Variants in MRPS31 observed in about 807,000 individuals in gnomAD.
The protein encoded by MRPS31 is small ribosomal subunit protein mS31.
Under a neutral mutation model 43.1 loss-of-function variants are expected in MRPS31, and 32 were observed. The observed-to-expected ratio is 0.74, with a 90% confidence interval of 0.56 to 1.00. The LOEUF (loss-of-function observed/expected upper bound fraction) is 1.00, where lower values mean the gene tolerates loss of function less well. Ranked by LOEUF, MRPS31 falls within the 50% of genes least tolerant of loss-of-function variation. MRPS31 has a pLI of 0.00. For missense variants in MRPS31, 437 were observed against 466.7 expected, an observed-to-expected ratio of 0.94 and a Z score of 0.59; for synonymous variants, 165 against 161.6, an observed-to-expected ratio of 1.02 and a Z score of -0.16.
chr13:40,756,258 T>C (rs971477314), intron 4 of MRPS31, among the ~76,000 whole-genome samples: 2 of 152,226 alleles, frequency 1.3e-5, no homozygotes, highest in African/African-American at 4.8e-5. Context: ...ACTTTCAGGG[T>C]TTAAAGAAGA....
chr13:40,751,997 C>A (rs1410461395), intron 5 of MRPS31, among the ~76,000 whole-genome samples: 2 of 151,654 alleles, frequency 1.3e-5, no homozygotes, highest in African/African-American at 4.8e-5. Context: ...TTTGGCTGGA[C>A]AACAGCAGCT....
intron 2 of MRPS31, among the ~76,000 whole-genome samples, chr13:40,766,138 G>A (rs1330205438): frequency 6.6e-6 from 1 of 152,126 alleles, no homozygotes; most frequent in African/African-American, 2.4e-5. Context: ...AGCTTAAAGA[G>A]GCAATTACAT....
intron 6 of MRPS31, among the ~76,000 whole-genome samples, chr13:40,746,297 G>T (rs921364397): frequency 1.3e-5 from 2 of 152,136 alleles, no homozygotes; most frequent in African/African-American, 4.8e-5. Flanking sequence ...TTGAATTGTT[G>T]AGGCTTCAGG....
chr13:40,764,608 T>C (rs968330776), intron 2 of MRPS31, among the ~76,000 whole-genome samples: 20 of 152,220 alleles, frequency 1.3e-4, no homozygotes, highest in African/African-American at 4.6e-4. Flanking sequence ...AACTTTCTCT[T>C]GGCTCACTTT....
chr13:40,731,769 G>A (rs1365198801), intron 6 of MRPS31, among the ~76,000 whole-genome samples: 1 of 152,056 alleles, frequency 6.6e-6, no homozygotes, highest in East Asian at 1.9e-4. Context: ...ACACCACATA[G>A]GTAGATTGAA....
chr13:40,755,162 GA>G, intron 4 of MRPS31, among the ~76,000 whole-genome samples: 1 of 152,286 alleles, frequency 6.6e-6, no homozygotes, highest in African/African-American at 2.4e-5. Flanking sequence ...AATACCATAT[GA>G]ACGTTAAATA....
intron 6 of MRPS31, among the ~76,000 whole-genome samples, chr13:40,748,800 C>T (rs1192952824): frequency 6.6e-6 from 1 of 152,084 alleles, no homozygotes; most frequent in East Asian, 1.9e-4. Flanking sequence ...TAATCTTATA[C>T]ACCTTATTTA....
At chr13:40,753,969 G>T in intron 5 of MRPS31, 50 bp downstream of exon 5, 2 of 1,160,156 alleles carry the variant, frequency 1.7e-6, no homozygotes, top group South Asian at 1.3e-5. Context: ...GGACATCCTG[G>T]AACGATGGAA....
chr13:40,748,599 A>G (rs1880304813), intron 6 of MRPS31, among the ~76,000 whole-genome samples: 1 of 152,254 alleles, frequency 6.6e-6, no homozygotes, highest in East Asian at 1.9e-4. Flanking sequence ...AAAAATATCC[A>G]GTAAAGTAGA....
rs796370780 is a variant in MRPS31, at chr13:40,745,003, C to T, written c.958+4135G>A. ...GTGGCGAGATCTCAGCTCACTGCAACCTCCCTGTCCTGAGTTCAAGAGATT... is the reference window on the plus strand; with the variant it reads ...GTGGCGAGATCTCAGCTCACTGCAATCTCCCTGTCCTGAGTTCAAGAGATT... On this transcript the variant is annotated intron_variant, in intron 6 of 6. Transcript: ENST00000323563. 1.3e-5 allele frequency among the ~76,000 whole-genome samples: 2 copies of T among 151,740 alleles called. 1 individual carries two copies. The highest frequency in any genetic ancestry group is 4.2e-4 in the South Asian group (2 of 4,818).
At chr13:40,740,907 G>A (rs1421580166) in intron 6 of MRPS31, among the ~76,000 whole-genome samples, 6 of 148,418 alleles carry the variant, frequency 4.0e-5, no homozygotes, top group African/African-American at 1.2e-4. Flanking sequence ...TGCACAATGT[G>A]CACATGTACC....
rs573748271 is a variant in MRPS31, at chr13:40,735,831, A to G, written c.959-6230T>C. Among the ~76,000 whole-genome samples the G allele has an allele frequency of 6.6e-5, 10 of 150,836 alleles. No individual in the cohort carries two copies. The South Asian group carries it at 2.1e-3, about 32-fold the overall frequency. On this transcript the variant is annotated intron_variant, in intron 6 of 6. Coordinates refer to ENST00000323563, the MANE Select transcript of MRPS31 (RefSeq NM_005830.4). ...GGAGATAAAACCACAAAGATGGGGA[A>G]AAAACAGAACAGAAAAACTGGAAAC...
intron 1 of MRPS31, among the ~76,000 whole-genome samples, chr13:40,767,246 C>CT (rs1300975321): frequency 1.3e-5 from 2 of 151,892 alleles, no homozygotes; most frequent in African/African-American, 4.8e-5. Context: ...CAAACCCCGC[C>CT]TCCAGGGTTC....
At chr13:40,730,520 GAATC>G (rs966686216) in intron 6 of MRPS31, among the ~76,000 whole-genome samples, 6 of 152,240 alleles carry the variant, frequency 3.9e-5, no homozygotes, top group Admixed American at 6.5e-5. Context: ...GTGACACTCT[GAATC>G]AATCAATCAA....
chr13:40,765,800 T>C (rs1183842448), intron 2 of MRPS31, among the ~76,000 whole-genome samples: 4 of 152,242 alleles, frequency 2.6e-5, no homozygotes, highest in African/African-American at 4.8e-5. Flanking sequence ...CTTGAATTAA[T>C]GACATCATTG....
chr13:40,742,049 G>T (rs2137999993), intron 6 of MRPS31, among the ~76,000 whole-genome samples: 1 of 152,056 alleles, frequency 6.6e-6, no homozygotes, highest in East Asian at 1.9e-4. Context: ...ATTGACGATG[G>T]TTATTTCAGG....
chr13:40,738,803 T>G (rs1161992076), intron 6 of MRPS31, among the ~76,000 whole-genome samples: 1 of 152,182 alleles, frequency 6.6e-6, no homozygotes, highest in Non-Finnish European at 1.5e-5. Context: ...TAATAAGAGA[T>G]ATCTATGACA....
At chr13:40,760,364 G>A (rs1164827202) in intron 2 of MRPS31, among the ~76,000 whole-genome samples, 2 of 151,906 alleles carry the variant, frequency 1.3e-5, no homozygotes, top group Non-Finnish European at 2.9e-5. Flanking sequence ...TTTAATACAT[G>A]TAAATTTTAC....
intron 6 of MRPS31, among the ~76,000 whole-genome samples, chr13:40,733,260 TC>T (rs1879762554): frequency 6.6e-6 from 1 of 152,032 alleles, no homozygotes; most frequent in Admixed American, 6.6e-5. Context: ...TGCTTCGGCC[TC>T]CCAAAGTGCT....
Sources: allele counts gnomAD v4.1 joint callset (sites outside exome capture counted in the v4.1 genomes callset), GRCh38; gene constraint gnomAD v4.1.1; transcripts MANE v1.5; gene names NCBI Gene and HGNC (gene_info 2026-07-23, HGNC 2026-07-21).